CAMKMT: variants seen among roughly 807,000 people sequenced by gnomAD.
CAMKMT encodes calmodulin-lysine N-methyltransferase.
Under a neutral mutation model 48.0 loss-of-function variants are expected in CAMKMT, and 53 were observed. The observed-to-expected ratio is 1.10, with a 90% CI of 0.89 to 1.39. The LOEUF (loss-of-function observed/expected upper bound fraction) is 1.39. Among genes scored for constraint, CAMKMT ranks in the 40% most tolerant of loss-of-function variants. CAMKMT has a pLI of 0.00. For synonymous variants in CAMKMT, 165 were observed against 152.3 expected (o/e 1.08, Z -0.61); for missense variants, 428 against 402.7 (o/e 1.06, Z -0.54).
At chr2:44,443,855 C>T (rs1666821835) in intron 3 of CAMKMT, among the ~76,000 whole-genome samples, 1 of 152,188 alleles carries the variant, frequency 6.6e-6, no homozygotes, top group South Asian at 2.1e-4. Context: ...CTTTAAAATA[C>T]TACTGAAGCT....
intron 3 of CAMKMT, among the ~76,000 whole-genome samples, chr2:44,415,253 A>T (rs1023203698): frequency 6.6e-6 from 1 of 152,258 alleles, no homozygotes; most frequent in Non-Finnish European, 1.5e-5. Context: ...TTACTAAAAG[A>T]TTTCATCAAG....
intron 7 of CAMKMT, among the ~76,000 whole-genome samples, chr2:44,733,226 C>T (rs1679175831): frequency 6.6e-6 from 1 of 152,164 alleles, no homozygotes; most frequent in Non-Finnish European, 1.5e-5. Context: ...TTTCTCTCAT[C>T]CATTGTCAGA....
At chr2:44,490,582 T>C (rs191921561) in intron 3 of CAMKMT, among the ~76,000 whole-genome samples, 49 of 150,228 alleles carry the variant, frequency 3.3e-4, no homozygotes, top group Non-Finnish European at 5.3e-4. Flanking sequence ...GCCTTATCGT[T>C]TTTCTAGAAA....
At chr2:44,690,992 CAATAAT>C (rs1423686930) in intron 3 of CAMKMT, among the ~76,000 whole-genome samples, 3 of 151,842 alleles carry the variant, frequency 2.0e-5, no homozygotes, top group African/African-American at 7.3e-5. Flanking sequence ...AAAATAACAA[CAATAAT>C]AATAATACTA....
At chr2:44,546,217 C>T (rs1487542832) in intron 3 of CAMKMT, among the ~76,000 whole-genome samples, 1 of 131,930 alleles carries the variant, frequency 7.6e-6, no homozygotes, top group Non-Finnish European at 1.6e-5. Flanking sequence ...ATGCACATAC[C>T]CCTATACCTA....
intron 3 of CAMKMT, among the ~76,000 whole-genome samples, chr2:44,460,624 G>C: frequency 6.6e-6 from 1 of 151,612 alleles, no homozygotes; most frequent in East Asian, 1.9e-4. Flanking sequence ...TGGTGATGTG[G>C]TTGTCCTCTT....
At chr2:44,685,783 C>T (rs1277227367) in intron 3 of CAMKMT, among the ~76,000 whole-genome samples, 2 of 152,118 alleles carry the variant, frequency 1.3e-5, no homozygotes, top group African/African-American at 4.8e-5. Context: ...GAGCAATCAG[C>T]ATTTCTATGT....
At chr2:44,458,318 A>T (rs2104611374) in intron 3 of CAMKMT, among the ~76,000 whole-genome samples, 1 of 152,262 alleles carries the variant, frequency 6.6e-6, no homozygotes, top group East Asian at 1.9e-4. Flanking sequence ...GAGTGCTGGG[A>T]TAACAGGTGT....
intron 3 of CAMKMT, among the ~76,000 whole-genome samples, chr2:44,598,850 A>G (rs550932349): frequency 6.6e-6 from 1 of 151,546 alleles, no homozygotes; most frequent in Non-Finnish European, 1.5e-5. Flanking sequence ...ATATACCATC[A>G]CAGGTGTTCA....
At chr2:44,757,192 G>C (rs149460668) in intron 9 of CAMKMT, among the ~76,000 whole-genome samples, 1 of 152,306 alleles carries the variant, frequency 6.6e-6, no homozygotes, top group African/African-American at 2.4e-5. Context: ...TGTTTATCCA[G>C]GGGGATGCTG....
chr2:44,512,906 T>C (rs1670640918), intron 3 of CAMKMT, among the ~76,000 whole-genome samples: 1 of 152,232 alleles, frequency 6.6e-6, no homozygotes, highest in African/African-American at 2.4e-5. Flanking sequence ...TGATATGATG[T>C]ATGCTGTCCC....
chr2:44,584,239 C>T (rs1340641662), intron 3 of CAMKMT, among the ~76,000 whole-genome samples: 1 of 152,078 alleles, frequency 6.6e-6, no homozygotes, highest in Non-Finnish European at 1.5e-5. Flanking sequence ...ATAGATACAC[C>T]ACAATTTATT....
chr2:44,411,979 A>ATTTTTTTTTTT, intron 3 of CAMKMT, among the ~76,000 whole-genome samples: 1 of 91,834 alleles, frequency 1.1e-5, no homozygotes, highest in Non-Finnish European at 2.0e-5. Flanking sequence ...ATTCTCTTCA[A>ATTTTTTTTTTT]TTTTTTTTTT....
intron 3 of CAMKMT, among the ~76,000 whole-genome samples, chr2:44,466,669 C>A (rs551822630): frequency 2.0e-4 from 31 of 151,760 alleles, no homozygotes; most frequent in African/African-American, 7.5e-4. Flanking sequence ...AAGATTTGAA[C>A]AGAAATAAAT....
chr2:44,633,575 T>G (rs1672960088), intron 3 of CAMKMT, among the ~76,000 whole-genome samples: 1 of 152,170 alleles, frequency 6.6e-6, no homozygotes, highest in South Asian at 2.1e-4. Context: ...TTTCAGGTAT[T>G]ATATATTTTT....
intron 3 of CAMKMT, among the ~76,000 whole-genome samples, chr2:44,648,129 G>C (rs1287361914): frequency 6.6e-6 from 1 of 151,562 alleles, no homozygotes; most frequent in Non-Finnish European, 1.5e-5. Flanking sequence ...GACATGTCAT[G>C]AAAAAAAAGC....
intron 7 of CAMKMT, among the ~76,000 whole-genome samples, chr2:44,723,544 T>G (rs1408633706): frequency 6.6e-6 from 1 of 151,006 alleles, no homozygotes. Context: ...TGAGCGGAGA[T>G]CACACCACTG....
chr2:44,559,599 T>C (rs1026057881), intron 3 of CAMKMT, among the ~76,000 whole-genome samples: 2 of 152,130 alleles, frequency 1.3e-5, no homozygotes, highest in African/African-American at 4.8e-5. Context: ...CTCTACCAAA[T>C]CTGTTATCCC....
At chr2:44,716,108 A>AT (rs1398073739) in intron 7 of CAMKMT, among the ~76,000 whole-genome samples, 2 of 152,114 alleles carry the variant, frequency 1.3e-5, no homozygotes, top group Non-Finnish European at 2.9e-5. Flanking sequence ...GTATTTGTGC[A>AT]TTTTTTGTCA....
Sources: allele counts gnomAD v4.1 joint callset (sites outside exome capture counted in the v4.1 genomes callset), GRCh38; gene constraint gnomAD v4.1.1; transcripts MANE v1.5; gene names NCBI Gene and HGNC (gene_info 2026-07-23, HGNC 2026-07-21).